NOL4L: variants seen among roughly 807,000 people sequenced by gnomAD.
NOL4L encodes the protein nucleolar protein 4-like.
NOL4L carries 7 observed loss-of-function variants against 64.5 expected under a neutral mutation model. The ratio of observed to expected loss-of-function variants is 0.11; its 90% CI spans 0.06 to 0.20. The LOEUF (loss-of-function observed/expected upper bound fraction) is 0.20. NOL4L is among the 10% of genes least tolerant of loss of function. NOL4L has a pLI of 1.00. For missense variants in NOL4L, 680 were observed against 967.1 expected (o/e 0.70, Z 3.94); for synonymous variants, 413 against 401.0 (o/e 1.03, Z -0.36).
At chr20:32,500,143 T>C (rs2016860231) in intron 4 of NOL4L, among the ~76,000 whole-genome samples, 1 of 152,224 alleles carries the variant, frequency 6.6e-6, no homozygotes, top group South Asian at 2.1e-4. Flanking sequence ...CTTTTTGCTC[T>C]GTCAGCTGGA....
At chr20:32,474,123 G>A (rs1042318373) in intron 5 of NOL4L, among the ~76,000 whole-genome samples, 29 of 152,278 alleles carry the variant, frequency 1.9e-4, no homozygotes, top group Non-Finnish European at 3.8e-4. Flanking sequence ...CAGCCGCATC[G>A]CATCCCAAGG....
chr20:32,493,748 G>C (rs528067003), intron 4 of NOL4L, among the ~76,000 whole-genome samples: 1 of 152,160 alleles, frequency 6.6e-6, no homozygotes, highest in Non-Finnish European at 1.5e-5. Context: ...TCCAAGGCCC[G>C]GTCCAGGTGC....
At chr20:32,496,724 G>A (rs2145528434) in intron 4 of NOL4L, among the ~76,000 whole-genome samples, 1 of 152,010 alleles carries the variant, frequency 6.6e-6, no homozygotes, top group African/African-American at 2.4e-5. Context: ...CTAATTTTTT[G>A]TATTTTTAGT....
intron 4 of NOL4L, among the ~76,000 whole-genome samples, chr20:32,492,925 T>C (rs2016523269): frequency 6.6e-6 from 1 of 152,044 alleles, no homozygotes; most frequent in Non-Finnish European, 1.5e-5. Flanking sequence ...TGGTGGGCCC[T>C]GCTAAGGTGA....
At chr20:32,584,494 AC>A in intron 1 of NOL4L, 75 bp downstream of exon 1, 1 of 1,040,948 alleles carries the variant, frequency 9.6e-7, no homozygotes. Context: ...ACACATCCAC[AC>A]CCCCACCCCG....
intron 4 of NOL4L, among the ~76,000 whole-genome samples, chr20:32,495,620 G>T (rs2016657721): frequency 6.6e-6 from 1 of 152,132 alleles, no homozygotes; most frequent in African/African-American, 2.4e-5. Flanking sequence ...GAAAGCCACA[G>T]ATGTCTGACC....
chr20:32,545,621 T>C (rs1555806973), intron 1 of NOL4L, among the ~76,000 whole-genome samples: 1 of 151,242 alleles, frequency 6.6e-6, no homozygotes. Context: ...CTTCTCCATC[T>C]CCCTTGCTTA....
intron 5 of NOL4L, among the ~76,000 whole-genome samples, chr20:32,466,070 C>A (rs1176176643): frequency 6.6e-6 from 1 of 150,846 alleles, no homozygotes; most frequent in African/African-American, 2.5e-5. Flanking sequence ...TGGGTTCAAG[C>A]GATTCTCCTG....
chr20:32,532,595 AG>A (rs2018383355), intron 1 of NOL4L, among the ~76,000 whole-genome samples: 1 of 152,338 alleles, frequency 6.6e-6, no homozygotes, highest in South Asian at 2.1e-4. Context: ...GGAAGCAGAA[AG>A]CACCTTCCCT....
intron 4 of NOL4L, among the ~76,000 whole-genome samples, chr20:32,498,872 T>A (rs924350747): frequency 2.6e-5 from 4 of 151,868 alleles, no homozygotes; most frequent in Non-Finnish European, 5.9e-5. Flanking sequence ...CTTAAAAAAT[T>A]TTTGTGTTTG....
intron 1 of NOL4L, 73 bp downstream of exon 1, chr20:32,584,497 C>A: frequency 9.0e-7 from 1 of 1,117,176 alleles, no homozygotes; most frequent in Non-Finnish European, 1.2e-6. Context: ...CATCCACACC[C>A]CCACCCCGCC....
intron 1 of NOL4L, among the ~76,000 whole-genome samples, chr20:32,549,547 G>A (rs1240808240): frequency 6.6e-6 from 1 of 152,108 alleles, no homozygotes; most frequent in East Asian, 1.9e-4. Context: ...GAGGTCAGGA[G>A]TTCAAGACCA....
At chr20:32,512,560 TA>T (rs2017455963) in intron 3 of NOL4L, among the ~76,000 whole-genome samples, 1 of 152,244 alleles carries the variant, frequency 6.6e-6, no homozygotes, top group Non-Finnish European at 1.5e-5. Flanking sequence ...CAGAAAGATG[TA>T]AAGAAAAAAT....
At chr20:32,554,800 G>A (rs367739612) in intron 1 of NOL4L, among the ~76,000 whole-genome samples, 13 of 152,156 alleles carry the variant, frequency 8.5e-5, no homozygotes, top group African/African-American at 2.2e-4. Context: ...GGAGACCAAA[G>A]GTGGTCCAGG....
At chr20:32,452,735 C>G in intron 9 of NOL4L, 149 bp downstream of exon 9, 1 of 1,272,614 alleles carries the variant, frequency 7.9e-7, no homozygotes, top group Non-Finnish European at 1.1e-6. Context: ...GACCTCCACC[C>G]ACCTCCTCTC....
chr20:32,524,943 C>G (rs186421988), intron 2 of NOL4L, among the ~76,000 whole-genome samples: 1 of 152,234 alleles, frequency 6.6e-6, no homozygotes, highest in Non-Finnish European at 1.5e-5. Context: ...CCAGCCCCTT[C>G]GGCCTCACAC....
At chr20:32,558,622 G>A (rs1410040437) in intron 1 of NOL4L, among the ~76,000 whole-genome samples, 4 of 152,212 alleles carry the variant, frequency 2.6e-5, no homozygotes, top group South Asian at 2.1e-4. Flanking sequence ...CCTGACAGCC[G>A]TAACGGAGGA....
chr20:32,540,153 G>A (rs903114411), intron 1 of NOL4L, among the ~76,000 whole-genome samples: 19 of 152,274 alleles, frequency 1.2e-4, no homozygotes, highest in Admixed American at 2.6e-4. Context: ...GCCTCTGCAC[G>A]TGCCTGTCCT....
chr20:32,514,454 T>C (rs950227736), intron 3 of NOL4L, among the ~76,000 whole-genome samples: 3 of 151,672 alleles, frequency 2.0e-5, no homozygotes, highest in African/African-American at 7.3e-5. Context: ...GTCATGTCAT[T>C]GCACTCCAGC....
Sources: gnomAD v4.1 joint callset for allele counts (sites outside exome capture counted in the v4.1 genomes callset) on GRCh38, gnomAD v4.1.1 for gene constraint, MANE v1.5 for transcripts, NCBI Gene and HGNC (gene_info 2026-07-23, HGNC 2026-07-21) for gene names.